The following EPHX1 variants were observed in gnomAD, a reference collection of about 807,000 sequenced individuals.
EPHX1 encodes the protein epoxide hydrolase 1, also known as epoxide hydratase.
Under a neutral mutation model 43.2 loss-of-function variants are expected in EPHX1, and 40 were observed. The observed-to-expected ratio is 0.93, with a 90% CI of 0.72 to 1.21. The LOEUF is 1.21. EPHX1 is among the 50% of genes most tolerant of loss of function. The pLI, the probability that EPHX1 is intolerant of heterozygous loss-of-function variation, is 0.00. For missense variants in EPHX1, 550 were observed against 570.4 expected (o/e 0.96, Z 0.36); for synonymous variants, 221 against 226.7 (o/e 0.98, Z 0.22).
chr1:225,822,986 G>A (rs1407133983), intron 1 of EPHX1, among the ~76,000 whole-genome samples: 2 of 152,162 alleles, frequency 1.3e-5, no homozygotes, highest in Non-Finnish European at 2.9e-5. Context: ...CTGTTACAAG[G>A]CAGAGATGCT....
At chr1:225,833,111 G>C (rs1426527944) in intron 3 of EPHX1, among the ~76,000 whole-genome samples, 1 of 152,152 alleles carries the variant, frequency 6.6e-6, no homozygotes, top group Non-Finnish European at 1.5e-5. Context: ...TCTCGCCTCA[G>C]ACCTCCTGAA....
At chr1:225,821,321 T>C (rs951174366) in intron 1 of EPHX1, among the ~76,000 whole-genome samples, 30 of 152,150 alleles carry the variant, frequency 2.0e-4, no homozygotes, top group South Asian at 1.9e-3. Context: ...CTCGGCTCAC[T>C]GCAACCTCCG....
Position 225,845,380 on chromosome 1 carries a change from C to G in EPHX1, c.*33C>G, listed in dbSNP as rs1310454925. 3.9e-6 allele frequency: 6 copies of G among 1,543,432 alleles called. No homozygotes were observed. Among genetic ancestry groups the G allele is most frequent in the Non-Finnish European group, 5.2e-6 (6 of 1,146,260 alleles). On this transcript the variant is annotated 3_prime_UTR_variant, in exon 9 of 9. Transcript: ENST00000272167. ...CTCTCCCCCCGCCTGCCACCTCCCC[C>G]CACAAGTGCCCTCCAGGCTTTTCTT... is the stretch of plus-strand genomic sequence containing the variant.
intron 5 of EPHX1, among the ~76,000 whole-genome samples, 180 bp downstream of exon 5, chr1:225,839,526 G>A (rs1010363000): frequency 7.2e-5 from 11 of 152,248 alleles, no homozygotes; most frequent in African/African-American, 2.4e-4. Context: ...CTGTAACCCA[G>A]GGTTGCGGCT....
At chr1:225,810,766 G>T (rs1248303080) in intron 1 of EPHX1, among the ~76,000 whole-genome samples, 6 of 66,088 alleles carry the variant, frequency 9.1e-5, no homozygotes, top group South Asian at 6.5e-4. Flanking sequence ...CGGGCAGAGT[G>T]GGGGGGGTCA....
intron 1 of EPHX1, among the ~76,000 whole-genome samples, chr1:225,827,273 G>A (rs770859042): frequency 2.0e-5 from 3 of 152,162 alleles, no homozygotes; most frequent in East Asian, 1.9e-4. Flanking sequence ...CTGCTGGGGC[G>A]TGGTTTGCAG....
intron 1 of EPHX1, among the ~76,000 whole-genome samples, chr1:225,810,767 G>C (rs934303194): frequency 3.0e-4 from 43 of 143,912 alleles, no homozygotes; most frequent in East Asian, 1.1e-3. Context: ...GGGCAGAGTG[G>C]GGGGGGTCAC....
chr1:225,815,004 A>G (rs1182318657), intron 1 of EPHX1, among the ~76,000 whole-genome samples: 1 of 152,172 alleles, frequency 6.6e-6, no homozygotes, highest in Non-Finnish European at 1.5e-5. Context: ...AAATGAATAT[A>G]CTTTCCCACG....
chr1:225,822,155 G>A (rs1324288164), intron 1 of EPHX1, among the ~76,000 whole-genome samples: 3 of 152,124 alleles, frequency 2.0e-5, no homozygotes, highest in Admixed American at 2.0e-4. Flanking sequence ...ATTTCTTACA[G>A]TAGGAGCCAA....
intron 1 of EPHX1, among the ~76,000 whole-genome samples, chr1:225,826,944 TG>T (rs1335854868): frequency 6.6e-6 from 1 of 151,160 alleles, no homozygotes; most frequent in Non-Finnish European, 1.5e-5. Flanking sequence ...AACGCGGAGG[TG>T]GGGGGTGCCA....
intron 6 of EPHX1, chr1:225,840,977 C>T (rs1668353431): frequency 6.6e-6 from 1 of 152,194 alleles, no homozygotes; most frequent in Admixed American, 6.5e-5. Context: ...AAGTACAAAA[C>T]ATTAAAGACA....
At chr1:225,842,760 G>A (rs1428124576) in intron 7 of EPHX1, among the ~76,000 whole-genome samples, 2 of 152,236 alleles carry the variant, frequency 1.3e-5, no homozygotes, top group African/African-American at 4.8e-5. Flanking sequence ...GGAGCCCACA[G>A]GGCAGCAGGC....
intron 6 of EPHX1, 111 bp from the exon 7 acceptor site, chr1:225,842,255 C>T: frequency 1.2e-6 from 1 of 830,030 alleles, no homozygotes; most frequent in East Asian, 2.4e-5. Flanking sequence ...TCGAACGTGG[C>T]TTCCTGCACA....
Position 225,838,702 on chromosome 1 carries a change from G to A in EPHX1, c.413G>A (p.Gly138Asp). 6.2e-7 allele frequency: 1 copy of A among 1,614,122 alleles called. No individual in the cohort carries two copies. Among genetic ancestry groups the A allele is most frequent in the Non-Finnish European group, 8.5e-7 (1 of 1,180,012 alleles). Residue 138 changes from glycine (G) to aspartate (D), a missense_variant, in exon 4 of 9, where the codon GGC (glycine) becomes GAC (aspartate). By Grantham distance (94) the Gly-to-Asp change is moderately conservative. Coordinates refer to ENST00000272167, the MANE Select transcript of EPHX1 (RefSeq NM_001136018.4). Reference protein sequence around the residue: ...IHVKPPQLPAGHTPKPLLMVH... With the variant: ...IHVKPPQLPADHTPKPLLMVH... ...GTGAAGCCCCCCCAGCTGCCCGCAG[G>A]CCATACCCCGAAGCCCTTGCTGATG...
rs746819571 is a variant in EPHX1 at position 225,842,380 on chromosome 1, G to T, written c.946G>T (p.Asp316Tyr). 1.2e-5 allele frequency: 20 copies of T among 1,613,062 alleles called. No homozygotes were observed. Among genetic ancestry groups the T allele is most frequent in the Non-Finnish European group, 1.5e-5 (18 of 1,179,110 alleles). ...KPDTVGSALN[D>Y]SPVGLAAYIL... ...CTCCCCGCCAGGCTCTGCTCTGAATGACTCTCCTGTGGGTCTGGCTGCCTA... is the reference window on the plus strand; with the variant it reads ...CTCCCCGCCAGGCTCTGCTCTGAATTACTCTCCTGTGGGTCTGGCTGCCTA... Residue 316 changes from aspartate to tyrosine, a missense_variant, in exon 7 of 9, where the codon GAC becomes TAC. Coordinates refer to ENST00000272167, the MANE Select transcript of EPHX1 (RefSeq NM_001136018.4).
rs80119745 is a variant in EPHX1, at chr1:225,838,651, C to G, written c.365-3C>G. 2 of 1,613,346 alleles carry G rather than the reference C, an allele frequency of 1.2e-6. No individual in the cohort carries two copies. Among genetic ancestry groups the G allele is most frequent in the African/African-American group, 1.3e-5 (1 of 74,880 alleles). On this transcript the variant is annotated splice_region_variant and splice_polypyrimidine_tract_variant and intron_variant, in intron 3 of 8. Coordinates refer to ENST00000272167, the MANE Select transcript of EPHX1 (RefSeq NM_001136018.4). ...CCACCCTGACTGTGCTCTGTCCCCC[C>G]AGGGCTGGACATCCACTTCATCCAC...
intron 2 of EPHX1, among the ~76,000 whole-genome samples, chr1:225,829,750 G>C (rs1414568844): frequency 1.3e-5 from 2 of 152,134 alleles, no homozygotes; most frequent in African/African-American, 4.8e-5. Context: ...ATGAGAAAAG[G>C]AATGTGCACA....
rs372841024 is a variant in EPHX1, at chr1:225,831,869, A to G, written c.274A>G (p.Lys92Glu). 1.2e-6 allele frequency: 2 copies of G among 1,614,210 alleles called. No individual in the cohort carries two copies. Among genetic ancestry groups the G allele is most frequent in the Non-Finnish European group, 1.7e-6 (2 of 1,180,038 alleles). ...TGGCTTCAACTCCAACTACCTGAAG[A>G]AAGTCATCTCCTACTGGCGGAATGA... ...HYGFNSNYLK[K>E]VISYWRNEFD... The change falls in exon 3 of 9, where the codon AAA becomes GAA. Residue 92 changes from lysine (K) to glutamate (E), a missense_variant. Coordinates refer to ENST00000272167, the MANE Select transcript of EPHX1 (RefSeq NM_001136018.4).
At chr1:225,826,593 G>A (rs1316423284) in intron 1 of EPHX1, among the ~76,000 whole-genome samples, 1 of 152,104 alleles carries the variant, frequency 6.6e-6, no homozygotes, top group Non-Finnish European at 1.5e-5. Context: ...GTTGATCAGT[G>A]AGACCTTGAG....
Sources: gnomAD v4.1 joint callset for allele counts (sites outside exome capture counted in the v4.1 genomes callset) on GRCh38, gnomAD v4.1.1 for gene constraint, MANE v1.5 for transcripts, NCBI Gene and HGNC (gene_info 2026-07-23, HGNC 2026-07-21) for gene names.